CLASP1: variants seen among roughly 807,000 people sequenced by gnomAD.
CLASP1 encodes the protein CLIP-associating protein 1.
CLASP1 carries 38 observed loss-of-function variants against 192.3 expected under a neutral mutation model. The observed-to-expected ratio is 0.20, with a 90% CI of 0.15 to 0.26. The LOEUF (loss-of-function observed/expected upper bound fraction) is 0.26, where lower values mean the gene tolerates loss of function less well. CLASP1 is among the 10% of genes least tolerant of loss of function. CLASP1 has a pLI of 1.00. For synonymous variants in CLASP1, 691 were observed against 712.8 expected, an observed-to-expected ratio of 0.97 and a Z score of 0.49; for missense variants, 1,433 against 1,932.5, an observed-to-expected ratio of 0.74 and a Z score of 4.85.
chr2:121,395,688 A>G (rs986837724), intron 30 of CLASP1, among the ~76,000 whole-genome samples: 2 of 152,350 alleles, frequency 1.3e-5, no homozygotes, highest in Admixed American at 1.3e-4. Flanking sequence ...TGATCAATAC[A>G]GAGTGCATTG....
At chr2:121,340,834 G>C in exon 40 of CLASP1, 2 of 1,578,142 alleles carry the variant, frequency 1.3e-6, no homozygotes, top group South Asian at 2.3e-5. Context: ...ATTGCTTCTA[G>C]GTCTACACAA....
intron 34 of CLASP1, among the ~76,000 whole-genome samples, chr2:121,368,533 C>A (rs528774115): frequency 1.3e-5 from 2 of 151,968 alleles, no homozygotes; most frequent in Non-Finnish European, 2.9e-5. Context: ...GACATGGTAT[C>A]GACAAGAGCA....
intron 22 of CLASP1, among the ~76,000 whole-genome samples, chr2:121,418,981 C>T (rs1417453127): frequency 6.6e-6 from 1 of 152,018 alleles, no homozygotes; most frequent in African/African-American, 2.4e-5. Flanking sequence ...TGAAATTACA[C>T]CTAAATGTAA....
intron 8 of CLASP1, among the ~76,000 whole-genome samples, chr2:121,498,769 C>T (rs1303549888): frequency 6.6e-6 from 1 of 152,096 alleles, no homozygotes; most frequent in Non-Finnish European, 1.5e-5. Context: ...TTTGAATAGA[C>T]ATTTCTCCAA....
At chr2:121,465,812 T>C (rs2089451572) in intron 9 of CLASP1, among the ~76,000 whole-genome samples, 2 of 151,860 alleles carry the variant, frequency 1.3e-5, no homozygotes, top group South Asian at 4.2e-4. Flanking sequence ...GGTACTGGTA[T>C]CAAAACAGAG....
intron 2 of CLASP1, among the ~76,000 whole-genome samples, chr2:121,549,855 A>C (rs1343728743): frequency 1.3e-5 from 2 of 151,872 alleles, no homozygotes; most frequent in East Asian, 1.9e-4. Context: ...AATGCAAAAA[A>C]ATTAGCCAGG....
intron 5 of CLASP1, 23 bp downstream of exon 5, chr2:121,527,776 T>C (rs1350689873): frequency 3.9e-6 from 6 of 1,548,348 alleles, no homozygotes; most frequent in Non-Finnish European, 5.3e-6. Flanking sequence ...CACGTAAAAA[T>C]GTCAGGCTCA....
At chr2:121,369,682 C>T (rs933471966) in intron 34 of CLASP1, among the ~76,000 whole-genome samples, 9 of 152,214 alleles carry the variant, frequency 5.9e-5, no homozygotes, top group African/African-American at 2.2e-4. Context: ...ACAGTGCAAG[C>T]ACTTCCCGTG....
intron 8 of CLASP1, among the ~76,000 whole-genome samples, chr2:121,474,860 G>T (rs2091402435): frequency 6.6e-6 from 1 of 152,210 alleles, no homozygotes; most frequent in African/African-American, 2.4e-5. Context: ...AGCTTACTTA[G>T]CTGATTTCCT....
chr2:121,643,476 A>C (rs1389732191), intron 1 of CLASP1, among the ~76,000 whole-genome samples: 1 of 152,186 alleles, frequency 6.6e-6, no homozygotes, highest in African/African-American at 2.4e-5. Flanking sequence ...GCAGACCTTG[A>C]TTTCTCATCT....
intron 1 of CLASP1, among the ~76,000 whole-genome samples, chr2:121,630,959 A>T (rs576228501): frequency 3.3e-5 from 5 of 151,802 alleles, no homozygotes; most frequent in African/African-American, 1.2e-4. Flanking sequence ...GGAGATCAAG[A>T]CCATCCTGGC....
At chr2:121,516,334 C>T (rs1030746319) in intron 6 of CLASP1, among the ~76,000 whole-genome samples, 1 of 152,170 alleles carries the variant, frequency 6.6e-6, no homozygotes, top group Non-Finnish European at 1.5e-5. Context: ...GGAGCAATCA[C>T]ATTAGGGGAT....
At chr2:121,383,988 T>TGA (rs1421137970) in intron 32 of CLASP1, among the ~76,000 whole-genome samples, 4 of 138,724 alleles carry the variant, frequency 2.9e-5, no homozygotes, top group African/African-American at 8.5e-5. Context: ...TCCTCACTGG[T>TGA]GAGATATATA....
chr2:121,530,781 C>A, intron 2 of CLASP1: 1 of 569,976 alleles, frequency 1.8e-6, no homozygotes, highest in Non-Finnish European at 3.2e-6. Flanking sequence ...TGGAGGTAAG[C>A]TAGCTACCAG....
At chr2:121,352,157 G>T (rs1036371520) in intron 37 of CLASP1, among the ~76,000 whole-genome samples, 1 of 152,238 alleles carries the variant, frequency 6.6e-6, no homozygotes, top group African/African-American at 2.4e-5. Context: ...TTAGATGGGA[G>T]GAGGAAGGAG....
intron 13 of CLASP1, among the ~76,000 whole-genome samples, chr2:121,457,962 T>C (rs1172183141): frequency 6.6e-6 from 1 of 152,204 alleles, no homozygotes; most frequent in Non-Finnish European, 1.5e-5. Flanking sequence ...GGCAACATGA[T>C]GACATGAAGA....
intron 30 of CLASP1, among the ~76,000 whole-genome samples, chr2:121,389,113 G>T (rs2073878462): frequency 6.6e-6 from 1 of 152,092 alleles, no homozygotes; most frequent in Non-Finnish European, 1.5e-5. Flanking sequence ...TAAGAATTAT[G>T]AATTTAAAAA....
intron 39 of CLASP1, among the ~76,000 whole-genome samples, chr2:121,341,162 C>T (rs1052743946): frequency 6.6e-6 from 1 of 152,122 alleles, no homozygotes; most frequent in African/African-American, 2.4e-5. Context: ...GGCCAGAGTC[C>T]AGAGGAGAGG....
intron 37 of CLASP1, among the ~76,000 whole-genome samples, chr2:121,354,549 A>C (rs2065059393): frequency 2.0e-5 from 3 of 152,182 alleles, no homozygotes; most frequent in African/African-American, 7.2e-5. Flanking sequence ...TCTCTTATCT[A>C]ATCTGGCCTA....
Sources: gnomAD v4.1 joint callset for allele counts (sites outside exome capture counted in the v4.1 genomes callset) on GRCh38, gnomAD v4.1.1 for gene constraint, MANE v1.5 for transcripts, NCBI Gene and HGNC (gene_info 2026-07-23, HGNC 2026-07-21) for gene names.